The following PLEKHA6 variants were observed in gnomAD, a reference collection of about 807,000 sequenced individuals.
The protein encoded by PLEKHA6 is pleckstrin homology domain containing A6.
Under a neutral mutation model 116.7 loss-of-function variants are expected in PLEKHA6, and 60 were observed. That is an observed-to-expected ratio of 0.51 (90% confidence interval 0.42 to 0.64). The LOEUF (loss-of-function observed/expected upper bound fraction) is 0.64, where lower values mean the gene tolerates loss of function less well. Ranked by LOEUF, PLEKHA6 falls within the 30% of genes least tolerant of loss-of-function variation. The pLI is 0.00. For synonymous variants in PLEKHA6, 489 were observed against 556.1 expected, an observed-to-expected ratio of 0.88 and a Z score of 1.70; for missense variants, 1,338 against 1,422.7, an observed-to-expected ratio of 0.94 and a Z score of 0.96.
At chr1:204,327,463 C>T (rs890581407) in intron 1 of PLEKHA6, among the ~76,000 whole-genome samples, 3 of 152,236 alleles carry the variant, frequency 2.0e-5, no homozygotes, top group Non-Finnish European at 4.4e-5. Context: ...GCCGACGGGC[C>T]CCTTCTGGGA....
intron 1 of PLEKHA6, among the ~76,000 whole-genome samples, chr1:204,346,431 A>G (rs1673053677): frequency 6.6e-6 from 1 of 151,946 alleles, no homozygotes; most frequent in Non-Finnish European, 1.5e-5. Context: ...CCAGCCGGGC[A>G]GCTCTGAGCC....
In PLEKHA6 at chr1:204,241,671, G is replaced by A. The variant is rs528545671; in HGVS notation, c.2302+14C>T. On this transcript the variant is annotated intron_variant, in intron 16 of 22. Coordinates refer to ENST00000272203, the MANE Select transcript of PLEKHA6 (RefSeq NM_014935.5). ...CCTTGCCTTACTTCTAGGGGAAGAT[G>A]GGACAGAAAGTACCTTTGTTGAGAG... The A allele has an allele frequency of 4.5e-6, 7 of 1,567,216 alleles. No homozygotes were observed. In the South Asian group the frequency reaches 7.3e-5, roughly 16 times the overall value.
intron 1 of PLEKHA6, among the ~76,000 whole-genome samples, chr1:204,298,283 A>G (rs1293382780): frequency 1.3e-5 from 2 of 152,252 alleles, no homozygotes; most frequent in African/African-American, 2.4e-5. Flanking sequence ...GGGACAATGG[A>G]TGGATTCAGT....
chr1:204,293,727 G>T (rs1572100997), intron 1 of PLEKHA6, among the ~76,000 whole-genome samples: 1 of 152,208 alleles, frequency 6.6e-6, no homozygotes, highest in South Asian at 2.1e-4. Flanking sequence ...TTGGCAAAAT[G>T]TAAGACATTT....
At chr1:204,231,557 T>G (rs891416039) in intron 17 of PLEKHA6, among the ~76,000 whole-genome samples, 22 of 139,224 alleles carry the variant, frequency 1.6e-4, no homozygotes, top group African/African-American at 2.5e-4. Context: ...TATTGTTGGG[T>G]TTTTTTTCTT....
At position 204,274,749 on chromosome 1, in the gene PLEKHA6, G is replaced by A. The variant is rs1357969098; in HGVS notation, c.-34C>T. ...CTTACATTTTCAAGTCAAATTTTTT[G>A]TTTTCCTCTGGGACCTGGCCAGTCA... is the stretch of plus-strand genomic sequence containing the variant. On this transcript the variant is annotated 5_prime_UTR_variant, in exon 2 of 23. Coordinates refer to ENST00000272203, the MANE Select transcript of PLEKHA6 (RefSeq NM_014935.5). 1.0e-6 allele frequency: 1 copy of A among 985,754 alleles called. No individual in the cohort carries two copies. Among genetic ancestry groups the A allele is most frequent in the Non-Finnish European group, 1.2e-6 (1 of 829,980 alleles). The allele number at this position is 985,754 out of a possible 1,614,324, so 61.1% of individuals were successfully genotyped here.
upstream of PLEKHA6, among the ~76,000 whole-genome samples, chr1:204,364,842 C>T (rs1027144155): frequency 1.1e-4 from 16 of 152,164 alleles, 1 homozygote; most frequent in Non-Finnish European, 1.5e-5. Context: ...AGGGGTAGGG[C>T]CCAGCCATCT....
intron 3 of PLEKHA6, among the ~76,000 whole-genome samples, chr1:204,272,731 A>G (rs1667597130): frequency 6.6e-6 from 1 of 152,206 alleles, no homozygotes; most frequent in African/African-American, 2.4e-5. Flanking sequence ...ATAAATATGT[A>G]GTACTGCTTT....
At chr1:204,334,898 A>AAAAAT (rs1019128358) in intron 1 of PLEKHA6, among the ~76,000 whole-genome samples, 108 of 152,326 alleles carry the variant, frequency 7.1e-4, no homozygotes, top group Admixed American at 2.7e-3. Context: ...GCTCTGTCTA[A>AAAAAT]AAAATAAAAT....
intron 1 of PLEKHA6, among the ~76,000 whole-genome samples, chr1:204,294,576 T>C (rs1381545514): frequency 1.3e-5 from 2 of 152,182 alleles, no homozygotes; most frequent in African/African-American, 4.8e-5. Context: ...TCCCTTCTCA[T>C]GCATCATCCT....
At chr1:204,376,640 GGGCTGAGTCCCAGCTCTGATTAACACGT>G (rs1673875707) in intron 1 of PLEKHA6, among the ~76,000 whole-genome samples, 1 of 152,138 alleles carries the variant, frequency 6.6e-6, no homozygotes, top group South Asian at 2.1e-4. Flanking sequence ...AGCAGATGCG[GGGCTGAGTCCCAGCTCTGATTAACACGT>G]GGTTTTCTCT....
Position 204,261,380 on chromosome 1 carries a change from G to C in PLEKHA6, c.450C>G (p.Ile150Met). ...AESPEEQEAWIQAMGEAARVQ... is the reference protein window; with the variant it reads ...AESPEEQEAWMQAMGEAARVQ... ...CTCGAGCAGCCTCCCCCATGGCCTGGATCCAGGCCTCTTGCTCCTCGGGGC... is the reference window on the plus strand; with the variant it reads ...CTCGAGCAGCCTCCCCCATGGCCTGCATCCAGGCCTCTTGCTCCTCGGGGC... The change falls in exon 7 of 23, where the codon ATC (isoleucine) becomes ATG (methionine). Residue 150 changes from isoleucine (I) to methionine (M), a missense_variant. Around this residue, in one of 3 missense-constraint regions of PLEKHA6, gnomAD observed 140 missense variants for 197.4 expected, o/e 0.71. Coordinates refer to ENST00000272203, the MANE Select transcript of PLEKHA6 (RefSeq NM_014935.5). This position sits in a 1 kb window ranked among gnomAD's most constrained non-coding sequence, Gnocchi z 4.0. 1 of 1,614,156 alleles carries C rather than the reference G, an allele frequency of 6.2e-7. No individual in the cohort carries two copies.
intron 1 of PLEKHA6, among the ~76,000 whole-genome samples, chr1:204,285,224 A>G (rs564224651): frequency 6.6e-6 from 1 of 152,344 alleles, no homozygotes; most frequent in South Asian, 2.1e-4. Flanking sequence ...TTTGAATTCT[A>G]TGAAATGCAA....
chr1:204,345,555 A>G (rs1266079103), intron 1 of PLEKHA6, among the ~76,000 whole-genome samples: 1 of 151,872 alleles, frequency 6.6e-6, no homozygotes, highest in Admixed American at 6.6e-5. Flanking sequence ...GGGTGCCACC[A>G]TGAGGCAGAT....
chr1:204,307,597 A>C (rs1399291563), intron 1 of PLEKHA6, among the ~76,000 whole-genome samples: 3 of 152,120 alleles, frequency 2.0e-5, no homozygotes, highest in African/African-American at 7.2e-5. Context: ...GAAATCTGAA[A>C]CTGCAGGTTG....
chr1:204,248,956 A>G lies in PLEKHA6; in HGVS notation c.1689T>C (p.Ser563=). ...GCTCCTGGTGGGTCCCCATCAAGGCACTTTCCAGGCTCTCCTGAAGAAAGG... is the reference window on the plus strand; with the variant it reads ...GCTCCTGGTGGGTCCCCATCAAGGCGCTTTCCAGGCTCTCCTGAAGAAAGG... ...QLRAEKESLE[S]ALMGTHQELE... Residue 563 remains serine, a synonymous_variant, in exon 12 of 23, where the codon AGT becomes AGC. Transcript: ENST00000272203. The G allele has an allele frequency of 6.2e-7, 1 of 1,613,970 alleles. No homozygotes were observed. The highest frequency in any genetic ancestry group is 8.5e-7 in the Non-Finnish European group (1 of 1,179,960).
intron 6 of PLEKHA6, among the ~76,000 whole-genome samples, chr1:204,263,967 C>T (rs1273225280): frequency 6.6e-6 from 1 of 152,122 alleles, no homozygotes; most frequent in Non-Finnish European, 1.5e-5. Flanking sequence ...TGCTGCCCAG[C>T]TCTCTTCTGT....
intron 13 of PLEKHA6, among the ~76,000 whole-genome samples, chr1:204,245,940 C>G (rs2102606557): frequency 6.6e-6 from 1 of 152,250 alleles, no homozygotes; most frequent in African/African-American, 2.4e-5. Flanking sequence ...TAGGAGATGG[C>G]ACCCCAGAAT....
intron 2 of PLEKHA6, 68 bp from the exon 3 acceptor site, chr1:204,273,808 T>C: frequency 9.2e-7 from 1 of 1,083,280 alleles, no homozygotes; most frequent in African/African-American, 1.5e-5. Flanking sequence ...AGCCCATCCT[T>C]TTTCCACACC....
Sources: gnomAD v4.1 joint callset for allele counts (sites outside exome capture counted in the v4.1 genomes callset) on GRCh38, gnomAD v4.1.1 for gene constraint, gnomAD v4.1.1 regional missense constraint, Gnocchi (gnomAD v3.1) non-coding constraint, MANE v1.5 for transcripts, NCBI Gene and HGNC (gene_info 2026-07-23, HGNC 2026-07-21) for gene names.